GLIS3: variants seen among roughly 807,000 people sequenced by gnomAD.
GLIS3 encodes the protein zinc finger protein GLIS3.
GLIS3 carries 53 observed loss-of-function variants against 78.6 expected under a neutral mutation model. The ratio of observed to expected loss-of-function variants is 0.67; its 90% CI spans 0.54 to 0.85. The LOEUF (loss-of-function observed/expected upper bound fraction) is 0.85, where lower values mean the gene tolerates loss of function less well. GLIS3 is among the 40% of genes least tolerant of loss of function. The pLI is 0.00. For synonymous variants in GLIS3, 684 were observed against 509.9 expected (o/e 1.34, Z -4.60); for missense variants, 1,703 against 1,231.1 (o/e 1.38, Z -5.74).
chr9:4,466,894 G>C, the GLIS3 span, among the ~76,000 whole-genome samples: 3 of 152,220 alleles, frequency 2.0e-5, no homozygotes, highest in African/African-American at 7.2e-5. Flanking sequence ...AAGGGAAGCC[G>C]TGACAGATGG....
intron 4 of GLIS3, among the ~76,000 whole-genome samples, chr9:4,100,557 T>C (rs1830293088): frequency 1.3e-5 from 2 of 152,194 alleles, no homozygotes; most frequent in Admixed American, 6.5e-5. Flanking sequence ...AGGACAAAAT[T>C]ACATAATCTT....
Position 3,991,209 on chromosome 9 carries a change from C to T in GLIS3, c.1711-54020G>A, listed in dbSNP as rs552052025. ...TGTTTGCATTTAAAATGGGAAGGCA[C>T]TTTACTGAGATGCCTTGGAGATAAG... On this transcript the variant is annotated intron_variant, in intron 4 of 10. Transcript: ENST00000381971. Among the ~76,000 whole-genome samples the T allele has an allele frequency of 3.3e-5, 5 of 152,260 alleles. No homozygotes were observed. In the South Asian group the frequency reaches 1.0e-3, roughly 32 times the overall value.
chr9:4,125,748 A>G lies in GLIS3; in HGVS notation c.582T>C (p.Pro194=). ...RAMNAANLNI[P]PSDTRSLISR... ...TAACTTGAGACCTGGTATCTGAAGG[A>G]GGTATATTCAGGTTGGCTGCATTCA... The change falls in exon 3 of 11, where the codon CCT becomes CCC. Residue 194 remains proline (P), a synonymous_variant. Coordinates refer to ENST00000381971, the MANE Select transcript of GLIS3 (RefSeq NM_001042413.2). 13 of 1,613,326 alleles carry G rather than the reference A, an allele frequency of 8.1e-6. No individual in the cohort carries two copies. Among genetic ancestry groups the G allele is most frequent in the Non-Finnish European group, 1.1e-5 (13 of 1,179,610 alleles).
intron 1 of GLIS3, among the ~76,000 whole-genome samples, chr9:4,290,055 T>C (rs1563905937): frequency 6.6e-6 from 1 of 152,128 alleles, no homozygotes; most frequent in Non-Finnish European, 1.5e-5. Context: ...CGAAAAGCAA[T>C]GTTAACTCAT....
chr9:4,246,500 G>A (rs559050100), intron 2 of GLIS3, among the ~76,000 whole-genome samples: 11 of 152,290 alleles, frequency 7.2e-5, no homozygotes, highest in African/African-American at 2.6e-4. Context: ...TTTTCCCTAA[G>A]TGACATCTGC....
At chr9:4,190,284 A>G (rs1377037074) in intron 2 of GLIS3, among the ~76,000 whole-genome samples, 1 of 152,152 alleles carries the variant, frequency 6.6e-6, no homozygotes, top group Non-Finnish European at 1.5e-5. Context: ...AAAACTTTGA[A>G]AAAATTTTAG....
chr9:4,301,047 CA>C (rs1587369338), upstream of GLIS3, among the ~76,000 whole-genome samples: 1 of 152,092 alleles, frequency 6.6e-6, no homozygotes, highest in Non-Finnish European at 1.5e-5. Context: ...CTCAAGGACA[CA>C]AATGACTTAC....
At chr9:3,838,364 CTG>C (rs1294373865) in intron 9 of GLIS3, among the ~76,000 whole-genome samples, 56 of 152,298 alleles carry the variant, frequency 3.7e-4, no homozygotes, top group Non-Finnish European at 5.7e-4. Flanking sequence ...CCTCAGCTCT[CTG>C]TGGGACTGGC....
At chr9:4,337,261 A>G (rs1444788232) in intron 2 of GLIS3, among the ~76,000 whole-genome samples, 1 of 152,240 alleles carries the variant, frequency 6.6e-6, no homozygotes, top group Non-Finnish European at 1.5e-5. Flanking sequence ...TTTATCTACA[A>G]AGACCTTCAC....
At chr9:3,931,014 G>GTTCCTTTGCT (rs1451842100) in intron 6 of GLIS3, among the ~76,000 whole-genome samples, 3 of 152,104 alleles carry the variant, frequency 2.0e-5, no homozygotes, top group African/African-American at 7.2e-5. Flanking sequence ...TAACTTAGCA[G>GTTCCTTTGCT]TTCCTTTGCT....
At chr9:4,248,936 T>C (rs1563828614) in intron 2 of GLIS3, among the ~76,000 whole-genome samples, 1 of 152,216 alleles carries the variant, frequency 6.6e-6, no homozygotes, top group Admixed American at 6.5e-5. Context: ...AAGGGGTGGT[T>C]ATAGATCTGT....
intron 4 of GLIS3, among the ~76,000 whole-genome samples, chr9:4,077,864 C>G (rs1256340192): frequency 2.0e-5 from 3 of 152,186 alleles, no homozygotes; most frequent in African/African-American, 7.2e-5. Flanking sequence ...AATCTGGTTC[C>G]CAGCTCCATA....
intron 6 of GLIS3, among the ~76,000 whole-genome samples, chr9:3,909,838 A>T (rs913478644): frequency 1.3e-5 from 2 of 152,244 alleles, no homozygotes; most frequent in Admixed American, 6.5e-5. Context: ...GACGATGGAA[A>T]GGTTCTGCAC....
intron 4 of GLIS3, among the ~76,000 whole-genome samples, chr9:4,040,783 G>T (rs1226468256): frequency 6.6e-6 from 1 of 152,184 alleles, no homozygotes; most frequent in Non-Finnish European, 1.5e-5. Context: ...TTCTACCACA[G>T]TCTTCAAGTG....
intron 2 of GLIS3, among the ~76,000 whole-genome samples, chr9:4,162,898 C>T (rs1835604641): frequency 6.7e-6 from 1 of 148,532 alleles, no homozygotes; most frequent in African/African-American, 2.5e-5. Flanking sequence ...GCCAACAGAT[C>T]CATCCATGCA....
At position 4,278,672 on chromosome 9, in the gene GLIS3, C is replaced by T. The variant is rs182735070; in HGVS notation, c.388+7366G>A. Among the ~76,000 whole-genome samples the T allele has an allele frequency of 5.8e-3, 885 of 152,306 alleles. 10 individuals carry two copies. Among genetic ancestry groups the T allele is most frequent in the African/African-American group, 0.02 (821 of 41,564 alleles). On this transcript the variant is annotated intron_variant, in intron 2 of 10. Coordinates refer to ENST00000381971, the MANE Select transcript of GLIS3 (RefSeq NM_001042413.2). ...CAGAAAATCACCACTATGCAACCAA[C>T]CATGTAAAAACTGATTCTGACAAGT...
intron 2 of GLIS3, among the ~76,000 whole-genome samples, chr9:4,228,989 C>T (rs189046118): frequency 7.0e-4 from 103 of 146,740 alleles, no homozygotes; most frequent in Non-Finnish European, 1.2e-3. Flanking sequence ...AAGATTCTAG[C>T]AATAGTTAAC....
chr9:4,348,356 G>A (rs1210586596), exon 1 of GLIS3: 3 of 150,416 alleles, frequency 2.0e-5, no homozygotes, highest in Non-Finnish European at 3.0e-5. Flanking sequence ...GTTATCTCAC[G>A]ATCCAAGTGC....
chr9:3,839,751 C>G (rs940767726), intron 9 of GLIS3, among the ~76,000 whole-genome samples: 2 of 152,172 alleles, frequency 1.3e-5, no homozygotes, highest in African/African-American at 4.8e-5. Context: ...AATCTTGCCA[C>G]TTTTGTTGAG....
Sources: allele counts gnomAD v4.1 joint callset (sites outside exome capture counted in the v4.1 genomes callset), GRCh38; gene constraint gnomAD v4.1.1; transcripts MANE v1.5; gene names NCBI Gene and HGNC (gene_info 2026-07-23, HGNC 2026-07-21).